PCBP3: variants seen among roughly 807,000 people sequenced by gnomAD.
PCBP3 encodes poly(rC) binding protein 3.
PCBP3 carries 25 observed loss-of-function variants against 52.7 expected under a neutral mutation model. The ratio of observed to expected loss-of-function variants is 0.47; its 90% CI spans 0.35 to 0.66. The LOEUF (loss-of-function observed/expected upper bound fraction) is 0.66. Ranked by LOEUF, PCBP3 falls within the 30% of genes least tolerant of loss-of-function variation. The pLI is 0.01. For synonymous variants in PCBP3, 162 were observed against 183.0 expected (o/e 0.89, Z 0.93); for missense variants, 391 against 490.3 (o/e 0.80, Z 1.91).
intron 4 of PCBP3, among the ~76,000 whole-genome samples, chr21:45,833,477 C>T (rs1044902946): frequency 5.9e-5 from 9 of 152,224 alleles, no homozygotes; most frequent in Admixed American, 2.0e-4. Flanking sequence ...AACTTTCCCA[C>T]GTTGGCCCCT....
At chr21:45,690,350 G>T (rs1230128776) in intron 2 of PCBP3, among the ~76,000 whole-genome samples, 3 of 152,060 alleles carry the variant, frequency 2.0e-5, no homozygotes, top group Admixed American at 6.5e-5. Context: ...CTAAGTCCAT[G>T]AAACTTTTAG....
At chr21:45,857,888 G>GC (rs1020782497) in intron 5 of PCBP3, among the ~76,000 whole-genome samples, 20 of 152,180 alleles carry the variant, frequency 1.3e-4, no homozygotes, top group African/African-American at 4.3e-4. Context: ...AAACAGGGCT[G>GC]CCCCCCAGGG....
At chr21:45,681,303 C>G (rs927481816) in intron 2 of PCBP3, among the ~76,000 whole-genome samples, 8 of 152,174 alleles carry the variant, frequency 5.3e-5, no homozygotes, top group African/African-American at 1.9e-4. Context: ...CTACATTGAG[C>G]AATAGGATTA....
intron 11 of PCBP3, 102 bp from the exon 12 acceptor site, chr21:45,913,849 T>C (rs1298303791): frequency 3.8e-6 from 4 of 1,062,012 alleles, no homozygotes; most frequent in Non-Finnish European, 5.5e-6. Flanking sequence ...AGCGTGGAGC[T>C]GGTGCAGGGG....
chr21:45,727,097 A>G (rs1490040127), intron 2 of PCBP3, among the ~76,000 whole-genome samples: 1 of 152,164 alleles, frequency 6.6e-6, no homozygotes, highest in African/African-American at 2.4e-5. Flanking sequence ...TTCTTTGTTA[A>G]ATTGAAGGTC....
intron 3 of PCBP3, among the ~76,000 whole-genome samples, chr21:45,752,679 G>T (rs916887709): frequency 2.0e-5 from 3 of 151,696 alleles, no homozygotes; most frequent in Admixed American, 2.0e-4. Context: ...TCACTGCATT[G>T]TGGACCAGGT....
intron 16 of PCBP3, among the ~76,000 whole-genome samples, chr21:45,939,094 C>T (rs1367270729): frequency 2.6e-5 from 4 of 152,250 alleles, no homozygotes; most frequent in Non-Finnish European, 4.4e-5. Context: ...GTGGACTCTG[C>T]CTCAGGGCCC....
At chr21:45,850,129 GT>G in intron 5 of PCBP3, 34 bp downstream of exon 5, 2 of 1,536,596 alleles carry the variant, frequency 1.3e-6, no homozygotes, top group Non-Finnish European at 1.8e-6. Context: ...ATGTTTGTTT[GT>G]TTACCAAGAG....
intron 1 of PCBP3, among the ~76,000 whole-genome samples, chr21:45,644,581 A>T (rs749962093): frequency 6.6e-6 from 1 of 152,166 alleles, no homozygotes; most frequent in Admixed American, 6.5e-5. Flanking sequence ...TGGCATAAGA[A>T]ATTTGAAAGT....
chr21:45,823,247 G>T (rs1404845512), intron 4 of PCBP3, among the ~76,000 whole-genome samples: 1 of 152,174 alleles, frequency 6.6e-6, no homozygotes, highest in Admixed American at 6.5e-5. Context: ...TTCCCTGCAT[G>T]TCGTCCTCCC....
chr21:45,876,112 G>A (rs927901827), intron 5 of PCBP3, among the ~76,000 whole-genome samples: 2 of 152,166 alleles, frequency 1.3e-5, no homozygotes, highest in Non-Finnish European at 2.9e-5. Context: ...GAGATGTTGT[G>A]TGCAGCACCA....
At chr21:45,646,101 CTCTCTCTGTGTGTGTG>C (rs2079274299) in intron 1 of PCBP3, among the ~76,000 whole-genome samples, 4 of 76,436 alleles carry the variant, frequency 5.2e-5, no homozygotes, top group African/African-American at 9.0e-5. Flanking sequence ...CTCTCTCTCT[CTCTCTCTGTGTGTGTG>C]TGTGTGTGTG....
At chr21:45,833,594 GT>G (rs965155298) in intron 4 of PCBP3, among the ~76,000 whole-genome samples, 3 of 152,234 alleles carry the variant, frequency 2.0e-5, no homozygotes, top group South Asian at 2.1e-4. Context: ...GACAGAGGGT[GT>G]TTCTGCTTCA....
chr21:45,792,516 G>A (rs2091675400), intron 4 of PCBP3, among the ~76,000 whole-genome samples: 1 of 152,176 alleles, frequency 6.6e-6, no homozygotes. Context: ...GTAACAGGAT[G>A]GTCACCTGAG....
At chr21:45,806,481 A>G (rs2092505868) in intron 4 of PCBP3, among the ~76,000 whole-genome samples, 1 of 150,254 alleles carries the variant, frequency 6.7e-6, no homozygotes, top group Admixed American at 6.7e-5. Context: ...CAGTCCTCCT[A>G]CTTTTCTCTG....
At chr21:45,933,139 T>C (rs1379526946) in intron 15 of PCBP3, among the ~76,000 whole-genome samples, 1 of 151,932 alleles carries the variant, frequency 6.6e-6, no homozygotes, top group Non-Finnish European at 1.5e-5. Context: ...ACATTGGCCA[T>C]GCTGTCTTGA....
intron 9 of PCBP3, among the ~76,000 whole-genome samples, chr21:45,903,898 A>G (rs2096130723): frequency 6.6e-6 from 1 of 152,066 alleles, no homozygotes; most frequent in Admixed American, 6.5e-5. Context: ...GTCTTTTTCT[A>G]GTTGTGTGGA....
intron 3 of PCBP3, among the ~76,000 whole-genome samples, chr21:45,738,870 C>G (rs2086110229): frequency 7.3e-6 from 1 of 137,008 alleles, no homozygotes; most frequent in African/African-American, 2.8e-5. Flanking sequence ...TCTGGGTAGC[C>G]CCCCTATCTT....
chr21:45,809,691 G>T (rs752261953), intron 4 of PCBP3, among the ~76,000 whole-genome samples: 5 of 152,250 alleles, frequency 3.3e-5, no homozygotes, highest in Non-Finnish European at 7.3e-5. Flanking sequence ...CTGCTATGCT[G>T]CGATCCGGGT....
Sources: allele counts gnomAD v4.1 joint callset (sites outside exome capture counted in the v4.1 genomes callset), GRCh38; gene constraint gnomAD v4.1.1; transcripts MANE v1.5; gene names NCBI Gene and HGNC (gene_info 2026-07-23, HGNC 2026-07-21).